Variants in LINGO2 observed in about 807,000 individuals in gnomAD.
The protein encoded by LINGO2 is leucine rich repeat and Ig domain containing 2.
In LINGO2, 14 loss-of-function variants were observed where a neutral mutation model predicts 30.6. The observed-to-expected ratio is 0.46, with a 90% CI of 0.30 to 0.72. The LOEUF (loss-of-function observed/expected upper bound fraction) is 0.72. Ranked by LOEUF, LINGO2 falls within the 30% of genes least tolerant of loss-of-function variation. The pLI is 0.07. For synonymous variants in LINGO2, 317 were observed against 288.5 expected, an observed-to-expected ratio of 1.10 and a Z score of -1.00; for missense variants, 729 against 751.7, an observed-to-expected ratio of 0.97 and a Z score of 0.35.
At chr9:28,994,965 A>G in the LINGO2 span, among the ~76,000 whole-genome samples, 2 of 152,298 alleles carry the variant, frequency 1.3e-5, no homozygotes, top group Non-Finnish European at 2.9e-5. Flanking sequence ...ATGGGCAAGG[A>G]CTTCATGTCT....
chr9:28,284,243 T>G (rs1235128638), intron 4 of LINGO2, among the ~76,000 whole-genome samples: 1 of 152,176 alleles, frequency 6.6e-6, no homozygotes, highest in African/African-American at 2.4e-5. Context: ...TTGTTTCAGA[T>G]GCCGACTTTG....
chr9:28,021,650 G>T (rs139650330), intron 4 of LINGO2, among the ~76,000 whole-genome samples: 282 of 152,098 alleles, frequency 1.9e-3, no homozygotes, highest in African/African-American at 6.3e-3. Flanking sequence ...TATCAGTTTT[G>T]CCTCTTATTT....
intron 5 of LINGO2, among the ~76,000 whole-genome samples, chr9:27,971,132 A>G (rs1820331535): frequency 1.3e-5 from 2 of 152,024 alleles, no homozygotes; most frequent in African/African-American, 2.4e-5. Flanking sequence ...CTATAGCTAC[A>G]TGCTGTACCT....
chr9:27,952,685 A>G (rs1819376156), intron 5 of LINGO2, among the ~76,000 whole-genome samples: 2 of 152,090 alleles, frequency 1.3e-5, no homozygotes, highest in South Asian at 4.1e-4. Context: ...AGAAAAATAC[A>G]AATGATTGGC....
the LINGO2 span, among the ~76,000 whole-genome samples, chr9:28,994,114 A>G: frequency 6.6e-6 from 1 of 151,984 alleles, no homozygotes; most frequent in Non-Finnish European, 1.5e-5. Flanking sequence ...TATATCTAGA[A>G]AACCCCATTG....
At chr9:28,520,695 T>A (rs1820796690) in intron 1 of LINGO2, among the ~76,000 whole-genome samples, 1 of 152,156 alleles carries the variant, frequency 6.6e-6, no homozygotes, top group Non-Finnish European at 1.5e-5. Flanking sequence ...AATTAATAAA[T>A]TATTGCATTC....
rs1387744795 is a variant in LINGO2, at chr9:28,543,980, G to A, written c.-364-67955C>T. On this transcript the variant is annotated intron_variant, in intron 1 of 5. Coordinates refer to ENST00000379992, the Ensembl canonical transcript of LINGO2. ...AGCACTTTGGAAGGCCGAGGCAAGC[G>A]GATCACTTGAGGTCAGGAGTTTGAG... Among the ~76,000 whole-genome samples the A allele has an allele frequency of 2.6e-5, 4 of 151,926 alleles. No homozygotes were observed. The East Asian group carries it at 5.8e-4, about 22-fold the overall frequency.
chr9:28,590,192 C>A (rs1824803053), intron 1 of LINGO2, among the ~76,000 whole-genome samples: 1 of 151,600 alleles, frequency 6.6e-6, no homozygotes, highest in African/African-American at 2.4e-5. Flanking sequence ...GACCTAAAAC[C>A]ATAAAAACCC....
intron 4 of LINGO2, among the ~76,000 whole-genome samples, chr9:28,079,004 A>C (rs1825702193): frequency 6.7e-6 from 1 of 148,810 alleles, no homozygotes; most frequent in South Asian, 2.1e-4. Flanking sequence ...GTGGTACCCA[A>C]AGAGAGGTGT....
chr9:28,016,720 G>C (rs1451534589), intron 4 of LINGO2, among the ~76,000 whole-genome samples: 1 of 136,708 alleles, frequency 7.3e-6, no homozygotes, highest in East Asian at 2.1e-4. Flanking sequence ...CCCACAAAAA[G>C]CCCAGGACCA....
chr9:28,307,468 A>G (rs1824416429), intron 3 of LINGO2, among the ~76,000 whole-genome samples: 1 of 152,178 alleles, frequency 6.6e-6, no homozygotes, highest in South Asian at 2.1e-4. Context: ...CCCACAACCA[A>G]TATCATATTG....
intron 4 of LINGO2, among the ~76,000 whole-genome samples, chr9:28,214,172 T>TA (rs1410091397): frequency 6.6e-6 from 1 of 151,622 alleles, no homozygotes; most frequent in East Asian, 1.9e-4. Flanking sequence ...GCATCTTTCA[T>TA]AGTAAATCTA....
intron 2 of LINGO2, among the ~76,000 whole-genome samples, chr9:28,439,732 T>A (rs1404579626): frequency 6.6e-6 from 1 of 152,192 alleles, no homozygotes; most frequent in Non-Finnish European, 1.5e-5. Context: ...TGCAGAACGA[T>A]GAGCCAATCA....
the LINGO2 span, among the ~76,000 whole-genome samples, chr9:28,890,885 C>A: frequency 6.6e-6 from 1 of 151,922 alleles, no homozygotes; most frequent in Non-Finnish European, 1.5e-5. Flanking sequence ...CAGCAGCTAA[C>A]AAAATCAACT....
rs3064858 is a variant in LINGO2 at position 28,384,329 on chromosome 9, C to CTATATA, written c.-278-11467_-278-11462dup. Among the ~76,000 whole-genome samples the CTATATA allele has an allele frequency of 9.3e-4, 115 of 123,354 alleles. 1 individual carries two copies. The highest frequency in any genetic ancestry group is 2.2e-3 in the African/African-American group (77 of 35,582). The allele number at this position is 123,354 out of a possible 152,430, so 80.9% of individuals were successfully genotyped here. A position where few individuals can be genotyped will look rare whatever the true frequency, so the allele number is the denominator to read the frequency against. On this transcript the variant is annotated intron_variant, in intron 2 of 5. Transcript: ENST00000379992. ...ACTCCCTTCTTTTCCATGTTATGCACTATATATATATATATATATATGCCT... is the reference window on the plus strand; with the variant it reads ...ACTCCCTTCTTTTCCATGTTATGCACTATATATATATATATATATATATATATGCCT...
chr9:29,105,356 G>T, the LINGO2 span, among the ~76,000 whole-genome samples: 1 of 152,172 alleles, frequency 6.6e-6, no homozygotes, highest in Non-Finnish European at 1.5e-5. Context: ...AATGCTTACA[G>T]AAGGTTTCTG....
the LINGO2 span, among the ~76,000 whole-genome samples, chr9:28,849,122 A>C: frequency 6.6e-6 from 1 of 152,118 alleles, no homozygotes; most frequent in East Asian, 1.9e-4. Context: ...CTATGTGTAG[A>C]TCTTCCACTA....
the LINGO2 span, among the ~76,000 whole-genome samples, chr9:28,925,051 T>G: frequency 1.5e-3 from 226 of 152,330 alleles, no homozygotes; most frequent in African/African-American, 4.8e-3. Context: ...AAGGTAAGCA[T>G]GTGAATCAAT....
At chr9:28,101,353 C>G (rs765943338) in intron 4 of LINGO2, among the ~76,000 whole-genome samples, 1 of 151,884 alleles carries the variant, frequency 6.6e-6, no homozygotes, top group Non-Finnish European at 1.5e-5. Context: ...ACTAACAGAG[C>G]AACCAAATGT....
Sources: gnomAD v4.1 joint callset for allele counts (sites outside exome capture counted in the v4.1 genomes callset) on GRCh38, gnomAD v4.1.1 for gene constraint, MANE v1.5 for transcripts, NCBI Gene and HGNC (gene_info 2026-07-23, HGNC 2026-07-21) for gene names.